The following PILRB variants were observed in gnomAD, a reference collection of about 807,000 sequenced individuals.
The protein encoded by PILRB is paired immunoglobin like type 2 receptor beta, also known as paired immunoglobulin-like type 2 receptor beta.
A neutral mutation model predicts 20.5 loss-of-function variants in PILRB; 21 were observed. The observed-to-expected ratio is 1.02, with a 90% CI of 0.72 to 1.47. The LOEUF (loss-of-function observed/expected upper bound fraction) is 1.47, where lower values mean the gene tolerates loss of function less well. PILRB is among the 40% of genes most tolerant of loss of function. The pLI, the probability that PILRB is intolerant of heterozygous loss-of-function variation, is 0.00. For synonymous variants in PILRB, 133 were observed against 115.1 expected, an observed-to-expected ratio of 1.16 and a Z score of -0.99; for missense variants, 253 against 272.1, an observed-to-expected ratio of 0.93 and a Z score of 0.49.
Position 100,358,224 on chromosome 7 carries a change from C to G in PILRB, c.-79C>G, listed in dbSNP as rs1396880829. The stretch of plus-strand genomic sequence containing the variant: ...GGCTCTCCCCACTCACCTCAGCCCT[C>G]AGGCAGCCCCTCCACAGGGCCCCTC... On this transcript the variant is annotated 5_prime_UTR_variant, in exon 1 of 4. Transcript: ENST00000609309. 1 of 1,564,882 alleles carries G rather than the reference C, an allele frequency of 6.4e-7. No homozygotes were observed. The highest frequency in any genetic ancestry group is 1.7e-5 in the Admixed American group (1 of 59,876).
Position 100,367,765 on chromosome 7 carries a change from T to G in PILRB, c.*388T>G, listed in dbSNP as rs1790739688. The G allele has an allele frequency of 4.9e-6, 1 of 203,086 alleles. No individual in the cohort carries two copies. The highest frequency in any genetic ancestry group is 2.3e-5 in the African/African-American group (1 of 43,272). 12.6% of individuals were successfully genotyped at this position (203,086 alleles called of 1,614,324 possible). A position where few individuals can be genotyped will look rare whatever the true frequency, so the allele number is the denominator to read the frequency against. On this transcript the variant is annotated 3_prime_UTR_variant, in exon 4 of 4. Transcript: ENST00000609309. The stretch of plus-strand genomic sequence containing the variant: ...TTTTCTCCTCGTCCACATTTTCCAA[T>G]CTGTATGGTGGCTGTCTTCTATGGC...
At chr7:100,365,391 A>G (rs1008407195) in intron 3 of PILRB, among the ~76,000 whole-genome samples, 13 of 152,240 alleles carry the variant, frequency 8.5e-5, no homozygotes, top group African/African-American at 2.9e-4. Context: ...TAGTCACAAA[A>G]AGATAAATAC....
At chr7:100,367,319 C>T (rs757011426) in intron 3 of PILRB, 30 bp from the exon 4 acceptor site, 20 of 780,770 alleles carry the variant, frequency 2.6e-5, no homozygotes, top group Admixed American at 1.2e-4. Flanking sequence ...AATCCTGGCC[C>T]TGCATCTAAA....
chr7:100,358,466 A>G, intron 1 of PILRB, 100 bp downstream of exon 1: 16 of 1,439,006 alleles, frequency 1.1e-5, no homozygotes, highest in Non-Finnish European at 1.4e-5. Flanking sequence ...CCAGGCTCCC[A>G]CCTCCAGCAA....
At chr7:100,364,955 T>TA (rs772197270) in intron 3 of PILRB, among the ~76,000 whole-genome samples, 26 of 147,266 alleles carry the variant, frequency 1.8e-4, no homozygotes, top group East Asian at 9.8e-4. Context: ...TCCTGTCTAT[T>TA]AAAAAAAAAA....
chr7:100,365,881 C>T (rs1305105061), intron 3 of PILRB, among the ~76,000 whole-genome samples: 1 of 151,248 alleles, frequency 6.6e-6, no homozygotes, highest in Non-Finnish European at 1.5e-5. Flanking sequence ...TGTCTCACAA[C>T]CATGTGAATA....
At chr7:100,366,095 AG>A (rs976791556) in intron 3 of PILRB, among the ~76,000 whole-genome samples, 1 of 151,950 alleles carries the variant, frequency 6.6e-6, no homozygotes, top group African/African-American at 2.4e-5. Context: ...CTGGGAGTAC[AG>A]GCACATGCCA....
At chr7:100,366,993 C>T (rs971522293) in intron 3 of PILRB, among the ~76,000 whole-genome samples, 2 of 152,058 alleles carry the variant, frequency 1.3e-5, no homozygotes, top group Non-Finnish European at 2.9e-5. Context: ...CTGCTCTGGT[C>T]CCTCTAAGGA....
intron 3 of PILRB, among the ~76,000 whole-genome samples, chr7:100,366,674 C>T (rs1173736731): frequency 3.9e-5 from 6 of 151,936 alleles, no homozygotes; most frequent in Non-Finnish European, 7.4e-5. Context: ...GCAGACACAG[C>T]CGCCACCCAG....
rs760324982 is a variant in PILRB, at chr7:100,358,717, A to G, written c.92A>G (p.Tyr31Cys). ...PGGSTGSGPS[Y>C]LYGVTQPKHL... ...GGCTCCACAGGATCTGGTCCAAGCT[A>G]CCTTTATGGGGTCACTCAACCAAAA... The change falls in exon 2 of 4, where the codon TAC becomes TGC. Residue 31 changes from tyrosine to cysteine, a missense_variant. Transcript: ENST00000609309. 1.2e-6 allele frequency: 2 copies of G among 1,613,660 alleles called. No homozygotes were observed. Among genetic ancestry groups the G allele is most frequent in the South Asian group, 1.1e-5 (1 of 91,078 alleles).
chr7:100,364,322 T>A (rs920930161), intron 3 of PILRB, among the ~76,000 whole-genome samples: 2 of 152,016 alleles, frequency 1.3e-5, no homozygotes, highest in African/African-American at 4.8e-5. Flanking sequence ...TCAAAATGGA[T>A]TAAAGACTTC....
intron 3 of PILRB, among the ~76,000 whole-genome samples, chr7:100,366,598 A>T (rs950270741): frequency 1.3e-5 from 2 of 152,122 alleles, no homozygotes; most frequent in African/African-American, 2.4e-5. Flanking sequence ...GGAGGCCTAG[A>T]GGTGGCAACA....
chr7:100,363,833 G>T (rs1400794799), intron 3 of PILRB, among the ~76,000 whole-genome samples: 1 of 152,144 alleles, frequency 6.6e-6, no homozygotes, highest in African/African-American at 2.4e-5. Context: ...AAATAGGCCA[G>T]GTGCAGTGGC....
chr7:100,359,405 A>G lies in PILRB; in HGVS notation c.523A>G (p.Ser175Gly), dbSNP rs934857954. The change falls in exon 3 of 4, where the codon AGC (serine) becomes GGC (glycine). Residue 175 changes from serine (S) to glycine (G), a missense_variant. Transcript: ENST00000609309. The part of the protein sequence containing the change: ...TTIAGLRVTE[S>G]KGHSESWHLS... ...CATAGCCGGCCTCAGGGTCACAGAA[A>G]GCAAAGGGCACTCAGAATCATGGCA... is the stretch of plus-strand genomic sequence containing the variant. 1 of 1,614,034 alleles carries G rather than the reference A, an allele frequency of 6.2e-7. No individual in the cohort carries two copies. Among genetic ancestry groups the G allele is most frequent in the African/African-American group, 1.3e-5 (1 of 74,912 alleles).
intron 3 of PILRB, among the ~76,000 whole-genome samples, chr7:100,362,114 AG>A (rs1030922111): frequency 6.6e-6 from 1 of 152,134 alleles, no homozygotes; most frequent in African/African-American, 2.4e-5. Context: ...GCAAAATAGT[AG>A]ATTACAAAGG....
At chr7:100,364,137 C>T (rs1790609132) in intron 3 of PILRB, among the ~76,000 whole-genome samples, 1 of 151,098 alleles carries the variant, frequency 6.6e-6, no homozygotes, top group Admixed American at 6.6e-5. Context: ...ATAAATAGAG[C>T]AGTGGAATAG....
Position 100,367,340 on chromosome 7 carries a change from C to T in PILRB, c.656-9C>T, listed in dbSNP as rs528848876. 16 of 780,952 alleles carry T rather than the reference C, an allele frequency of 2.0e-5. No homozygotes were observed. The East Asian group carries it at 3.9e-4, about 19-fold the overall frequency. The allele number at this position is 780,952 out of a possible 1,614,324, so 48.4% of individuals were successfully genotyped here. A position where few individuals can be genotyped will look rare whatever the true frequency, so the allele number is the denominator to read the frequency against. ...GGCCCTGCATCTAAAAACACTTCCC[C>T]TCCTGCAGGTAGCAGGGCGCCAAGC... On this transcript the variant is annotated splice_polypyrimidine_tract_variant and intron_variant, in intron 3 of 3. Transcript: ENST00000609309.
chr7:100,365,685 G>A (rs930978547), intron 3 of PILRB, among the ~76,000 whole-genome samples: 2 of 152,024 alleles, frequency 1.3e-5, no homozygotes, highest in African/African-American at 4.8e-5. Flanking sequence ...CTGGTGTGGC[G>A]GGGGCACCTG....
At chr7:100,361,223 C>T (rs926563826) in intron 3 of PILRB, among the ~76,000 whole-genome samples, 7 of 152,176 alleles carry the variant, frequency 4.6e-5, no homozygotes, top group African/African-American at 1.4e-4. Context: ...GCTTGAGCCA[C>T]CGCACCCGGC....
Sources: allele counts gnomAD v4.1 joint callset (sites outside exome capture counted in the v4.1 genomes callset), GRCh38; gene constraint gnomAD v4.1.1; transcripts MANE v1.5; gene names NCBI Gene and HGNC (gene_info 2026-07-23, HGNC 2026-07-21).